Variants in ZNF678 observed in about 807,000 individuals in gnomAD.
ZNF678 encodes the protein hypothetical protein MGC42493.
A neutral mutation model predicts 3.0 loss-of-function variants in ZNF678; 5 were observed. That is an observed-to-expected ratio of 1.69 (90% CI 0.88 to 3.56). ZNF678 has a LOEUF of 3.56. Ranked by LOEUF, ZNF678 falls within the 30% of genes most tolerant of loss-of-function variation. The pLI, the probability that ZNF678 is intolerant of heterozygous loss-of-function variation, is 0.00. For missense variants in ZNF678, 593 were observed against 605.0 expected, an observed-to-expected ratio of 0.98 and a Z score of 0.21; for synonymous variants, 218 against 199.6, an observed-to-expected ratio of 1.09 and a Z score of -0.78.
chr1:227,573,849 G>C (rs953350053), intron 1 of ZNF678, among the ~76,000 whole-genome samples: 1 of 152,092 alleles, frequency 6.6e-6, no homozygotes, highest in East Asian at 1.9e-4. Flanking sequence ...ATAAGTCCCA[G>C]TGTCTTTTGT....
intron 1 of ZNF678, 92 bp downstream of exon 1, chr1:227,563,816 G>A (rs1656596162): frequency 1.7e-6 from 2 of 1,195,798 alleles, no homozygotes; most frequent in Non-Finnish European, 2.2e-6. Context: ...GCTGGCACCT[G>A]TGGGATCTGT....
rs192420083 is a variant in ZNF678, at chr1:227,580,980, A to T, written c.-164+17256A>T. Among the ~76,000 whole-genome samples, 4 of 152,198 alleles carry T rather than the reference A, an allele frequency of 2.6e-5. No homozygotes were observed. The East Asian group carries it at 7.7e-4, about 29-fold the overall frequency. ...TTGATAAATTAATATTGCAAGAGTG[A>T]TACATTTAGAGTATGGACTTCTATA... On this transcript the variant is annotated intron_variant, in intron 1 of 3. Coordinates refer to ENST00000343776, the MANE Select transcript of ZNF678 (RefSeq NM_001367909.1).
At chr1:227,581,910 G>A (rs1158074850) in intron 1 of ZNF678, among the ~76,000 whole-genome samples, 1 of 152,104 alleles carries the variant, frequency 6.6e-6, no homozygotes, top group Admixed American at 6.6e-5. Flanking sequence ...GTACACCTTG[G>A]CAAACATTTC....
intron 1 of ZNF678, among the ~76,000 whole-genome samples, chr1:227,605,478 A>G (rs1558140595): frequency 6.6e-6 from 1 of 152,240 alleles, no homozygotes; most frequent in Non-Finnish European, 1.5e-5. Context: ...TATTTAATAG[A>G]TGTGGCAAAA....
downstream of ZNF678, among the ~76,000 whole-genome samples, chr1:227,664,324 T>C (rs1252025473): frequency 6.6e-6 from 1 of 152,192 alleles, no homozygotes; most frequent in Non-Finnish European, 1.5e-5. Context: ...TGTCCTGTCA[T>C]GCCCTGTGGT....
chr1:227,643,217 T>C (rs1273504693), intron 1 of ZNF678, among the ~76,000 whole-genome samples: 1 of 152,092 alleles, frequency 6.6e-6, no homozygotes, highest in Non-Finnish European at 1.5e-5. Flanking sequence ...AGTACAGCAA[T>C]GGTGGTGGCA....
At chr1:227,627,158 A>T (rs1658439949) in intron 1 of ZNF678, among the ~76,000 whole-genome samples, 1 of 151,356 alleles carries the variant, frequency 6.6e-6, no homozygotes, top group Non-Finnish European at 1.5e-5. Context: ...AGTTTTGAAA[A>T]GGTGTGGTCT....
At chr1:227,565,214 C>T (rs1269916568) in intron 1 of ZNF678, among the ~76,000 whole-genome samples, 6 of 151,822 alleles carry the variant, frequency 4.0e-5, no homozygotes, top group African/African-American at 7.3e-5. Context: ...TACAGGCGTG[C>T]GCCACTACAC....
In ZNF678 at chr1:227,627,611, C is replaced by A. The variant is rs10916175; in HGVS notation, c.-163-18933C>A. On this transcript the variant is annotated intron_variant, in intron 1 of 3. Transcript: ENST00000343776. The stretch of plus-strand genomic sequence containing the variant: ...GTGTTCCCTCAGAAGTTAGGAATTC[C>A]CTTTCTCTCTATATTGCTGCATGGG... 1.2e-3 allele frequency among the ~76,000 whole-genome samples: 176 copies of A among 152,046 alleles called. 1 individual carries two copies. The highest frequency in any genetic ancestry group is 3.9e-3 in the African/African-American group (162 of 41,482).
At chr1:227,584,165 TGGG>T (rs1657202596) in intron 1 of ZNF678, among the ~76,000 whole-genome samples, 1 of 152,194 alleles carries the variant, frequency 6.6e-6, no homozygotes, top group Non-Finnish European at 1.5e-5. Context: ...ATACTGTCAT[TGGG>T]GCAGGATATT....
At chr1:227,646,210 G>A (rs1274478427) in intron 1 of ZNF678, among the ~76,000 whole-genome samples, 3 of 152,140 alleles carry the variant, frequency 2.0e-5, no homozygotes. Context: ...AATCTGAGAG[G>A]CACTTCAGAT....
At chr1:227,595,155 GT>G (rs34323136) in intron 1 of ZNF678, among the ~76,000 whole-genome samples, 21 of 148,242 alleles carry the variant, frequency 1.4e-4, no homozygotes, top group Admixed American at 3.3e-4. Flanking sequence ...AAGGTACGCT[GT>G]TTTTTTTTTT....
intron 1 of ZNF678, among the ~76,000 whole-genome samples, chr1:227,610,926 C>T (rs1658001565): frequency 6.6e-6 from 1 of 152,190 alleles, no homozygotes; most frequent in Non-Finnish European, 1.5e-5. Flanking sequence ...TGGAGGCTCA[C>T]TGCTGATTAC....
intron 5 of ZNF678, among the ~76,000 whole-genome samples, chr1:227,675,087 A>C (rs1659659207): frequency 6.6e-6 from 1 of 152,208 alleles, no homozygotes; most frequent in South Asian, 2.1e-4. Flanking sequence ...TAAAATTTAC[A>C]TATTGAAGCC....
At chr1:227,641,065 G>T (rs578151630) in intron 1 of ZNF678, among the ~76,000 whole-genome samples, 1 of 152,200 alleles carries the variant, frequency 6.6e-6, no homozygotes, top group Non-Finnish European at 1.5e-5. Context: ...CCAGGCTCCC[G>T]GGAAACTTAC....
At position 227,563,679 on chromosome 1, in the gene ZNF678, G is replaced by A. The variant is rs1656590299; in HGVS notation, c.-209G>A. The A allele has an allele frequency of 7.5e-7, 1 of 1,331,014 alleles. No individual in the cohort carries two copies. Among genetic ancestry groups the A allele is most frequent in the Non-Finnish European group, 1.0e-6 (1 of 1,002,304 alleles). The allele number at this position is 1,331,014 out of a possible 1,614,324, so 82.5% of individuals were successfully genotyped here. A position where few individuals can be genotyped will look rare whatever the true frequency, so the allele number is the denominator to read the frequency against. ...TTTCCCTGTGACCTGCAGGTACTGGGAGTTACATAGCTAAGATGCCAGGAC... is the reference window on the plus strand; with the variant it reads ...TTTCCCTGTGACCTGCAGGTACTGGAAGTTACATAGCTAAGATGCCAGGAC... On this transcript the variant is annotated 5_prime_UTR_variant, in exon 1 of 4. Coordinates refer to ENST00000343776, the MANE Select transcript of ZNF678 (RefSeq NM_001367909.1).
At chr1:227,590,718 G>A (rs1290326460) in intron 1 of ZNF678, among the ~76,000 whole-genome samples, 1 of 151,834 alleles carries the variant, frequency 6.6e-6, no homozygotes, top group Non-Finnish European at 1.5e-5. Flanking sequence ...AGGCAGCTTA[G>A]TGTAGGCTCT....
chr1:227,666,391 C>T (rs1450882448), downstream of ZNF678, among the ~76,000 whole-genome samples: 1 of 152,164 alleles, frequency 6.6e-6, no homozygotes, highest in Non-Finnish European at 1.5e-5. Context: ...TGTCTGGATA[C>T]TATTTACATA....
In ZNF678 at chr1:227,595,155, G is replaced by GTT. The variant is rs34323136; in HGVS notation, c.-164+31441_-164+31442dup. 5.1e-3 allele frequency among the ~76,000 whole-genome samples: 763 copies of GTT among 148,166 alleles called. 17 individuals carry two copies. The South Asian group carries it at 0.059, about 11-fold the overall frequency. The stretch of plus-strand genomic sequence containing the variant: ...TGCTTTTAAAGGAATAAGGTACGCT[G>GTT]TTTTTTTTTTTCTTAGCTACTTGTA... On this transcript the variant is annotated intron_variant, in intron 1 of 3. Transcript: ENST00000343776.
Sources: allele counts gnomAD v4.1 joint callset (sites outside exome capture counted in the v4.1 genomes callset), GRCh38; gene constraint gnomAD v4.1.1; transcripts MANE v1.5; gene names NCBI Gene and HGNC (gene_info 2026-07-23, HGNC 2026-07-21).